DPP6: variants seen among roughly 807,000 people sequenced by gnomAD.
DPP6 encodes dipeptidyl peptidase like 6, also known as A-type potassium channel modulatory protein DPP6.
A neutral mutation model predicts 122.6 loss-of-function variants in DPP6; 69 were observed. The observed-to-expected ratio is 0.56, with a 90% confidence interval of 0.46 to 0.69. The LOEUF is 0.69. Ranked by LOEUF, DPP6 falls within the 30% of genes least tolerant of loss-of-function variation. The pLI, the probability that DPP6 is intolerant of heterozygous loss-of-function variation, is 0.00. For synonymous variants in DPP6, 418 were observed against 433.1 expected, an observed-to-expected ratio of 0.97 and a Z score of 0.43; for missense variants, 928 against 1,116.9, an observed-to-expected ratio of 0.83 and a Z score of 2.41.
chr7:154,559,340 G>T (rs1487510732), intron 4 of DPP6, among the ~76,000 whole-genome samples: 2 of 126,654 alleles, frequency 1.6e-5, no homozygotes, highest in African/African-American at 5.9e-5. Flanking sequence ...AGAACAAAGA[G>T]AAACTTGAAA....
intron 3 of DPP6, among the ~76,000 whole-genome samples, chr7:154,477,076 CA>C (rs143942132): frequency 4.8e-5 from 7 of 145,892 alleles, no homozygotes; most frequent in East Asian, 2.0e-4. Context: ...GAGACCCTGT[CA>C]AAAAAAAAAG....
chr7:154,220,370 T>C (rs986069101), intron 1 of DPP6, among the ~76,000 whole-genome samples: 5 of 152,098 alleles, frequency 3.3e-5, no homozygotes, highest in Non-Finnish European at 7.4e-5. Context: ...ATAAGTGATG[T>C]GAACTCAGGA....
intron 1 of DPP6, among the ~76,000 whole-genome samples, chr7:154,168,685 C>T (rs1359548784): frequency 6.6e-6 from 1 of 152,124 alleles, no homozygotes; most frequent in Non-Finnish European, 1.5e-5. Flanking sequence ...CAACTTGACC[C>T]CTGTTCCACC....
intron 1 of DPP6, among the ~76,000 whole-genome samples, chr7:153,942,746 C>A (rs936820408): frequency 1.3e-5 from 2 of 152,184 alleles, no homozygotes; most frequent in Admixed American, 1.3e-4. Flanking sequence ...ACGAGGCCGC[C>A]CCACACTCTG....
intron 1 of DPP6, among the ~76,000 whole-genome samples, chr7:154,156,436 G>A (rs1295460599): frequency 1.3e-5 from 2 of 152,184 alleles, no homozygotes; most frequent in Non-Finnish European, 2.9e-5. Context: ...CTTTTAGACT[G>A]TTGCCAGCAG....
intron 1 of DPP6, among the ~76,000 whole-genome samples, chr7:153,924,362 C>T (rs1203399806): frequency 1.3e-5 from 2 of 152,168 alleles, no homozygotes; most frequent in Admixed American, 6.5e-5. Context: ...CTGCCTCAGC[C>T]TCCCCAAAGT....
chr7:154,804,544 GCTATATGTCTGAA>G (rs1798573561), intron 14 of DPP6, among the ~76,000 whole-genome samples: 1 of 152,286 alleles, frequency 6.6e-6, no homozygotes, highest in East Asian at 1.9e-4. Context: ...ATTGGGCCAG[GCTATATGTCTGAA>G]CTTGTCTTAA....
At chr7:154,766,728 T>C (rs2131537535) in intron 8 of DPP6, among the ~76,000 whole-genome samples, 1 of 152,364 alleles carries the variant, frequency 6.6e-6, no homozygotes, top group Middle Eastern at 3.4e-3. Flanking sequence ...AAATAGAGTA[T>C]TCTCAGCCCA....
chr7:154,061,909 C>CG (rs1802001207), intron 1 of DPP6, among the ~76,000 whole-genome samples: 1 of 135,802 alleles, frequency 7.4e-6, no homozygotes, highest in African/African-American at 2.7e-5. Context: ...CCTCTTCCCC[C>CG]CCTGGCTCTG....
At chr7:153,823,002 T>G in the DPP6 span, among the ~76,000 whole-genome samples, 3 of 152,134 alleles carry the variant, frequency 2.0e-5, no homozygotes, top group Non-Finnish European at 4.4e-5. Flanking sequence ...TTCACTCAAG[T>G]GCATTTTCAA....
chr7:153,960,489 A>T (rs10228930), intron 1 of DPP6, among the ~76,000 whole-genome samples: 4,832 of 151,858 alleles, frequency 0.032, 264 homozygotes, highest in African/African-American at 0.11. Flanking sequence ...AAGATTAGGG[A>T]TGGTTGATAT....
chr7:154,015,260 C>G (rs1798347270), intron 1 of DPP6, among the ~76,000 whole-genome samples: 1 of 152,112 alleles, frequency 6.6e-6, no homozygotes. Flanking sequence ...ACTATCCACT[C>G]CTTTTTCCAT....
chr7:153,964,913 C>CTTTCTTTCTTT (rs1491387853), intron 1 of DPP6, among the ~76,000 whole-genome samples: 1 of 113,396 alleles, frequency 8.8e-6, no homozygotes, highest in Non-Finnish European at 1.6e-5. Context: ...CTTTTCTTTT[C>CTTTCTTTCTTT]CTTTCTTTCT....
Position 154,446,308 on chromosome 7 carries a change from C to T in DPP6, c.338C>T (p.Ser113Leu), listed in dbSNP as rs774135792. ...GTCATCTGCTCCTTGATCGTCACCTCGGTCATACTTCTGACACCAGGTACT... is the reference window on the plus strand; with the variant it reads ...GTCATCTGCTCCTTGATCGTCACCTTGGTCATACTTCTGACACCAGGTACT... ...ILVICSLIVT[S>L]VILLTPAEDN... is the part of the protein sequence containing the mutation. Residue 113 changes from serine to leucine, a missense_variant, in exon 2 of 26, where the codon TCG becomes TTG. Transcript: ENST00000377770. The T allele has an allele frequency of 6.2e-6, 10 of 1,611,626 alleles. No individual in the cohort carries two copies. The highest frequency in any genetic ancestry group is 1.1e-5 in the South Asian group (1 of 90,750).
chr7:153,990,518 G>A (rs1199847222), intron 1 of DPP6, among the ~76,000 whole-genome samples: 2 of 151,712 alleles, frequency 1.3e-5, no homozygotes, highest in Admixed American at 6.6e-5. Flanking sequence ...AAGGGAGAGG[G>A]CTCAGGCTTG....
the DPP6 span, among the ~76,000 whole-genome samples, chr7:153,872,794 C>T: frequency 6.6e-6 from 1 of 152,160 alleles, no homozygotes; most frequent in African/African-American, 2.4e-5. Flanking sequence ...AGCAATTATA[C>T]CTGTACTGTC....
intron 1 of DPP6, among the ~76,000 whole-genome samples, chr7:154,361,324 C>T (rs12670797): frequency 0.085 from 12,956 of 152,198 alleles, 680 homozygotes; most frequent in African/African-American, 0.13. Flanking sequence ...TGTATTTGTT[C>T]CTCATTTTCT....
chr7:154,219,098 A>G (rs191036237), intron 1 of DPP6, among the ~76,000 whole-genome samples: 1 of 152,356 alleles, frequency 6.6e-6, no homozygotes, highest in East Asian at 1.9e-4. Flanking sequence ...TCACTCATGC[A>G]GAGTCACAAG....
chr7:154,332,773 G>A (rs1170793804), intron 1 of DPP6, among the ~76,000 whole-genome samples: 2 of 152,168 alleles, frequency 1.3e-5, no homozygotes, highest in African/African-American at 2.4e-5. Flanking sequence ...GTCTTTCTTT[G>A]TCGAGCTCTA....
Sources: gnomAD v4.1 joint callset for allele counts (sites outside exome capture counted in the v4.1 genomes callset) on GRCh38, gnomAD v4.1.1 for gene constraint, MANE v1.5 for transcripts, NCBI Gene and HGNC (gene_info 2026-07-23, HGNC 2026-07-21) for gene names.